The following HSD17B7 variants were observed in gnomAD, a reference collection of about 807,000 sequenced individuals.
HSD17B7 encodes hydroxysteroid 17-beta dehydrogenase 7, also known as 3-keto-steroid reductase/17-beta-hydroxysteroid dehydrogenase 7.
Under a neutral mutation model 34.1 loss-of-function variants are expected in HSD17B7, and 17 were observed. The ratio of observed to expected loss-of-function variants is 0.50; its 90% CI spans 0.34 to 0.75. The LOEUF (loss-of-function observed/expected upper bound fraction) is 0.75, where lower values mean the gene tolerates loss of function less well. Ranked by LOEUF, HSD17B7 falls within the 30% of genes least tolerant of loss-of-function variation. The probability of loss-of-function intolerance (pLI) is 0.01; values close to 1 mark genes in which losing one functional copy is unlikely to be tolerated. For synonymous variants in HSD17B7, 122 were observed against 154.6 expected, an observed-to-expected ratio of 0.79 and a Z score of 1.56; for missense variants, 296 against 406.6, an observed-to-expected ratio of 0.73 and a Z score of 2.34.
Position 162,805,576 on chromosome 1 carries a change from C to G in HSD17B7, c.903+84C>G, listed in dbSNP as rs548488489. On this transcript the variant is annotated intron_variant, in intron 8 of 8. Coordinates refer to ENST00000254521, the MANE Select transcript of HSD17B7 (RefSeq NM_016371.4). ...TGTTCCTGACCAGCCCCTCAGCCCC[C>G]CAGCTTCGCTTCTCTGGGTACTCAC... The G allele has an allele frequency of 8.5e-5, 132 of 1,547,420 alleles. No individual in the cohort carries two copies. In the East Asian group the frequency reaches 2.7e-3, roughly 32 times the overall value.
chr1:162,800,790 T>C (rs570908492), intron 5 of HSD17B7, among the ~76,000 whole-genome samples: 3 of 152,358 alleles, frequency 2.0e-5, no homozygotes, highest in Non-Finnish European at 2.9e-5. Flanking sequence ...TTTAGGGCAC[T>C]GGGCCAGGTT....
chr1:162,800,431 T>G, intron 5 of HSD17B7: 1 of 379,798 alleles, frequency 2.6e-6, no homozygotes, highest in Non-Finnish European at 5.2e-6. Flanking sequence ...TGCCGCCTAG[T>G]GTTTGTCATA....
chr1:162,800,331 A>G, intron 5 of HSD17B7: 1 of 452,302 alleles, frequency 2.2e-6, no homozygotes, highest in Non-Finnish European at 4.4e-6. Context: ...CATTTACCTG[A>G]TGGTCACACA....
rs965048965 is a variant in HSD17B7, at chr1:162,791,712, G to A, written c.35+877G>A. 4.0e-5 allele frequency among the ~76,000 whole-genome samples: 6 copies of A among 150,584 alleles called. No homozygotes were observed. In the East Asian group the frequency reaches 1.2e-3, roughly 30 times the overall value. ...TTCTTATGTGGAAGGTACTGAGTAAGTCAGAATTGATTTTGTCTGTTTCTT... is the reference window on the plus strand; with the variant it reads ...TTCTTATGTGGAAGGTACTGAGTAAATCAGAATTGATTTTGTCTGTTTCTT... On this transcript the variant is annotated intron_variant, in intron 1 of 8. Coordinates refer to ENST00000254521, the MANE Select transcript of HSD17B7 (RefSeq NM_016371.4).
At position 162,796,647 on chromosome 1, in the gene HSD17B7, T is replaced by C; in HGVS notation, c.302T>C (p.Ile101Thr). 6.2e-7 allele frequency: 1 copy of C among 1,611,464 alleles called. No individual in the cohort carries two copies. The highest frequency in any genetic ancestry group is 8.5e-7 in the Non-Finnish European group (1 of 1,177,632). Residue 101 changes from isoleucine to threonine, a missense_variant, in exon 3 of 9, where the codon ATC becomes ACC. Physicochemically the swap from Ile to Thr is moderately conservative, Grantham distance 89. Coordinates refer to ENST00000254521, the MANE Select transcript of HSD17B7 (RefSeq NM_016371.4). The part of the protein sequence containing the change: ...AGIMPNPQLN[I>T]KALFFGLFSR... ...ATCATGCCTAATCCACAACTAAATA[T>C]CAAAGCACTTTTCTTTGGCCTCTTT... is the stretch of plus-strand genomic sequence containing the variant.
chr1:162,807,153 G>T (rs558146735), intron 8 of HSD17B7, among the ~76,000 whole-genome samples: 1 of 152,218 alleles, frequency 6.6e-6, no homozygotes, highest in African/African-American at 2.4e-5. Context: ...GCCCCAGTGT[G>T]TGAGGTTCCC....
chr1:162,806,032 T>G (rs1214428920), intron 8 of HSD17B7, among the ~76,000 whole-genome samples: 1 of 152,140 alleles, frequency 6.6e-6, no homozygotes, highest in Non-Finnish European at 1.5e-5. Context: ...AATAGATTGG[T>G]GTTTTGAAGA....
At chr1:162,793,671 T>C (rs1648496036) in intron 2 of HSD17B7, among the ~76,000 whole-genome samples, 1 of 152,246 alleles carries the variant, frequency 6.6e-6, no homozygotes, top group South Asian at 2.1e-4. Context: ...TGCACTGCCT[T>C]ACGTTAAGGT....
chr1:162,793,054 G>A, intron 2 of HSD17B7, 192 bp downstream of exon 2: 1 of 374,752 alleles, frequency 2.7e-6, no homozygotes, highest in Non-Finnish European at 4.9e-6. Context: ...TTTTTAAAGA[G>A]ATGGAGTCTT....
chr1:162,811,422 G>A (rs1270135221), intron 8 of HSD17B7, among the ~76,000 whole-genome samples: 3 of 152,128 alleles, frequency 2.0e-5, no homozygotes, highest in Non-Finnish European at 4.4e-5. Context: ...TTAATTTTTA[G>A]CCTTTCAATT....
chr1:162,800,038 T>C (rs1648754881), intron 5 of HSD17B7, 101 bp downstream of exon 5: 25 of 957,722 alleles, frequency 2.6e-5, no homozygotes, highest in Non-Finnish European at 3.8e-5. Context: ...CTAACTCTTA[T>C]AGTTTAGATT....
At position 162,812,330 on chromosome 1, in the gene HSD17B7, T is replaced by G. The variant is rs765659828; in HGVS notation, c.936T>G (p.Phe312Leu). ...MDLDEDTAEK[F>L]YQKLLELEKH... ...TAGATGAAGACACTGCTGAAAAATT[T>G]TATCAAAAGTTACTGGAACTGGAAA... Residue 312 changes from phenylalanine to leucine, a missense_variant, in exon 9 of 9, where the codon TTT becomes TTG. Physicochemically the swap from Phe to Leu is conservative, Grantham distance 22. Coordinates refer to ENST00000254521, the MANE Select transcript of HSD17B7 (RefSeq NM_016371.4). The G allele has an allele frequency of 2.6e-5, 42 of 1,612,772 alleles. No individual in the cohort carries two copies. The Admixed American group carries it at 6.9e-4, about 26-fold the overall frequency.
intron 8 of HSD17B7, among the ~76,000 whole-genome samples, chr1:162,809,796 C>A (rs1397171901): frequency 2.0e-5 from 3 of 151,486 alleles, no homozygotes; most frequent in Non-Finnish European, 3.0e-5. Flanking sequence ...GTGGTGATAT[C>A]CCTTTTATCA....
At chr1:162,811,922 C>A (rs1276280790) in intron 8 of HSD17B7, among the ~76,000 whole-genome samples, 12 of 152,378 alleles carry the variant, frequency 7.9e-5, no homozygotes, top group Non-Finnish European at 1.2e-4. Context: ...GGCTCTTTTA[C>A]TAAGCCAGAT....
In HSD17B7 at chr1:162,804,313, C is replaced by T; in HGVS notation, c.794C>T (p.Thr265Ile). Reference protein sequence around the residue: ...NAFTLTPYNGTEALVWLFHQK... With the variant: ...NAFTLTPYNGIEALVWLFHQK... ...TTCACTTTGACACCATATAATGGAA[C>T]AGAAGCTCTGGTATGTTACTGAAGT... Residue 265 changes from threonine (T) to isoleucine (I), a missense_variant, in exon 7 of 9, where the codon ACA (threonine) becomes ATA (isoleucine). Coordinates refer to ENST00000254521, the MANE Select transcript of HSD17B7 (RefSeq NM_016371.4). 1.9e-6 allele frequency: 3 copies of T among 1,600,290 alleles called. No individual in the cohort carries two copies. The highest frequency in any genetic ancestry group is 2.6e-6 in the Non-Finnish European group (3 of 1,171,342).
At chr1:162,796,718 G>A (rs376823740) in intron 3 of HSD17B7, 41 bp downstream of exon 3, 13 of 1,229,638 alleles carry the variant, frequency 1.1e-5, no homozygotes, top group Non-Finnish European at 1.4e-5. Context: ...GAAGGAATGT[G>A]TTCATTTTTC....
intron 2 of HSD17B7, among the ~76,000 whole-genome samples, chr1:162,794,372 C>G (rs2102229641): frequency 6.6e-6 from 1 of 152,220 alleles, no homozygotes; most frequent in South Asian, 2.1e-4. Context: ...TAGTTTTCTT[C>G]ACTCCAGCTC....
chr1:162,809,547 C>A (rs1232033177), intron 8 of HSD17B7, among the ~76,000 whole-genome samples: 1 of 145,208 alleles, frequency 6.9e-6, no homozygotes, highest in African/African-American at 2.8e-5. Flanking sequence ...AGGAATGGTA[C>A]CATCTCCTTG....
intron 2 of HSD17B7, among the ~76,000 whole-genome samples, chr1:162,793,690 T>C (rs761124162): frequency 4.6e-5 from 7 of 152,248 alleles, no homozygotes; most frequent in Non-Finnish European, 8.8e-5. Flanking sequence ...GTAACTCCTT[T>C]GACATTTGAA....
Sources: allele counts gnomAD v4.1 joint callset (sites outside exome capture counted in the v4.1 genomes callset), GRCh38; gene constraint gnomAD v4.1.1; transcripts MANE v1.5; gene names NCBI Gene and HGNC (gene_info 2026-07-23, HGNC 2026-07-21).